SLC25A51: variants seen among roughly 807,000 people sequenced by gnomAD.
The protein encoded by SLC25A51 is mitochondrial nicotinamide adenine dinucleotide transporter SLC25A51.
Under a neutral mutation model 19.1 loss-of-function variants are expected in SLC25A51, and 11 were observed. The ratio of observed to expected loss-of-function variants is 0.58; its 90% CI spans 0.36 to 0.96. SLC25A51 has a LOEUF of 0.96. Among genes scored for constraint, SLC25A51 ranks in the 40% least tolerant of loss-of-function variants. SLC25A51 has a pLI of 0.01. For synonymous variants in SLC25A51, 105 were observed against 133.6 expected, an observed-to-expected ratio of 0.79 and a Z score of 1.47; for missense variants, 201 against 365.4, an observed-to-expected ratio of 0.55 and a Z score of 3.67.
chr9:37,888,258 A>G lies in SLC25A51; in HGVS notation c.293T>C (p.Met98Thr), dbSNP rs377690500. ...GGATAAATCCTCATACAGACCAAAC[A>G]TAAGTGCAAGCGTAGTTGTCTTCTG... ...LMQKTTTLAL[M>T]FGLYEDLSCL... is the part of the protein sequence containing the mutation. Residue 98 changes from methionine to threonine, a missense_variant, in exon 3 of 3, where the codon ATG becomes ACG. By Grantham distance (81) the Met-to-Thr change is moderately conservative. Coordinates refer to ENST00000242275, the MANE Select transcript of SLC25A51 (RefSeq NM_033412.4). The G allele has an allele frequency of 1.4e-5, 22 of 1,614,244 alleles. No homozygotes were observed. The highest frequency in any genetic ancestry group is 1.6e-5 in the Non-Finnish European group (19 of 1,180,048).
Position 37,888,163 on chromosome 9 carries a change from T to C in SLC25A51, c.388A>G (p.Thr130Ala), listed in dbSNP as rs1483535613. The C allele has an allele frequency of 1.9e-6, 3 of 1,613,980 alleles. No individual in the cohort carries two copies. The highest frequency in any genetic ancestry group is 1.7e-5 in the Admixed American group (1 of 60,018). Residue 130 changes from threonine (T) to alanine (A), a missense_variant, in exon 3 of 3, where the codon ACA becomes GCA. Coordinates refer to ENST00000242275, the MANE Select transcript of SLC25A51 (RefSeq NM_033412.4). The stretch of plus-strand genomic sequence containing the variant: ...AGTGGAGTGAAAATTGCTTCTGTTG[T>C]CCCTGCAAGCACTGCCGCCACGCCA... ...TSGVAAVLAGTTEAIFTPLER... is the reference protein window; with the variant it reads ...TSGVAAVLAGATEAIFTPLER...
downstream of SLC25A51, chr9:37,878,540 A>G (rs1191902022): frequency 1.1e-5 from 2 of 179,604 alleles, no homozygotes; most frequent in Non-Finnish European, 2.5e-5. Flanking sequence ...GCAACAGCTA[A>G]TTGCAGCAAA....
At chr9:37,880,277 C>CACTCCAGCCTGGCG (rs1831325022) in exon 4 of SLC25A51, 1 of 148,558 alleles carries the variant, frequency 6.7e-6, no homozygotes, top group Non-Finnish European at 1.5e-5. Flanking sequence ...TTCACCACTG[C>CACTCCAGCCTGGCG]ACTCCAGCCT....
At chr9:37,891,509 TA>T (rs1482975012) in intron 2 of SLC25A51, among the ~76,000 whole-genome samples, 1 of 152,244 alleles carries the variant, frequency 6.6e-6, no homozygotes, top group Non-Finnish European at 1.5e-5. Flanking sequence ...TGTTCTGTAC[TA>T]AGAAAAATTC....
chr9:37,897,741 T>C, intron 2 of SLC25A51, among the ~76,000 whole-genome samples: 1 of 152,084 alleles, frequency 6.6e-6, no homozygotes, highest in East Asian at 1.9e-4. Context: ...TATCATTAAG[T>C]TGGCTTTCGG....
At chr9:37,903,439 C>T (rs1242103065) in intron 1 of SLC25A51, 1 of 152,242 alleles carries the variant, frequency 6.6e-6, no homozygotes, top group Admixed American at 6.5e-5. Flanking sequence ...ACACCATCGT[C>T]CCCGAAAATC....
At chr9:37,903,465 T>C (rs1301101811) in intron 1 of SLC25A51, 1 of 152,238 alleles carries the variant, frequency 6.6e-6, no homozygotes, top group Non-Finnish European at 1.5e-5. Context: ...ACAAGTGAGC[T>C]TCCTACAACG....
chr9:37,891,094 G>A (rs544648416), intron 2 of SLC25A51, among the ~76,000 whole-genome samples: 1 of 152,382 alleles, frequency 6.6e-6, no homozygotes, highest in Non-Finnish European at 1.5e-5. Context: ...ATATCTGCCA[G>A]AGCCACCAAT....
At chr9:37,887,593 G>A, downstream of SLC25A51, 2 of 1,486,280 alleles carry the variant, frequency 1.3e-6, no homozygotes, top group Non-Finnish European at 1.8e-6. Context: ...AAAAAAAGAG[G>A]CCAAACTGCA....
chr9:37,883,412 A>G (rs558729837), downstream of SLC25A51, among the ~76,000 whole-genome samples: 3 of 152,388 alleles, frequency 2.0e-5, no homozygotes, highest in South Asian at 2.1e-4. Context: ...ATATTTATTA[A>G]TAATTGTTTT....
chr9:37,888,799 T>C (rs1294808049), intron 2 of SLC25A51, among the ~76,000 whole-genome samples: 4 of 152,222 alleles, frequency 2.6e-5, no homozygotes, highest in African/African-American at 4.8e-5. Flanking sequence ...AAACTACATA[T>C]CTATGTGAGG....
At chr9:37,885,991 C>T (rs1831447830), downstream of SLC25A51, 2 of 1,613,724 alleles carry the variant, frequency 1.2e-6, no homozygotes, top group Admixed American at 3.3e-5. Context: ...AGTTCTTTGC[C>T]AATTGGTCTA....
At chr9:37,901,121 C>A (rs938277521) in intron 1 of SLC25A51, among the ~76,000 whole-genome samples, 2 of 152,108 alleles carry the variant, frequency 1.3e-5, no homozygotes, top group African/African-American at 4.8e-5. Context: ...CCAGCCTTGG[C>A]CTCCCAAAGG....
downstream of SLC25A51, among the ~76,000 whole-genome samples, chr9:37,887,189 C>T (rs1463252088): frequency 2.6e-5 from 4 of 151,906 alleles, no homozygotes; most frequent in Admixed American, 6.6e-5. Context: ...TGGTGGCGGG[C>T]GCCTGTAATC....
intron 2 of SLC25A51, among the ~76,000 whole-genome samples, chr9:37,888,983 T>A (rs1471782833): frequency 2.0e-5 from 3 of 152,252 alleles, no homozygotes; most frequent in Non-Finnish European, 4.4e-5. Context: ...TTATTTTTCA[T>A]GAAAATGTGT....
At chr9:37,901,700 T>C (rs1831851849) in intron 1 of SLC25A51, among the ~76,000 whole-genome samples, 2 of 152,198 alleles carry the variant, frequency 1.3e-5, no homozygotes, top group African/African-American at 4.8e-5. Context: ...CAGAATATCA[T>C]CTGTTCCCTC....
downstream of SLC25A51, chr9:37,886,240 TGAG>T (rs1312304471): frequency 6.9e-6 from 11 of 1,605,392 alleles, no homozygotes; most frequent in Admixed American, 3.3e-5. Context: ...GGACCTTCTC[TGAG>T]GAGAATGTGA....
intron 1 of SLC25A51, chr9:37,903,596 G>C (rs1831902891): frequency 6.6e-6 from 1 of 152,290 alleles, no homozygotes; most frequent in Non-Finnish European, 1.5e-5. Context: ...AGATCACTAA[G>C]TCCTCTTCCG....
intron 2 of SLC25A51, among the ~76,000 whole-genome samples, chr9:37,892,311 A>G (rs1423351778): frequency 6.6e-6 from 1 of 152,238 alleles, no homozygotes; most frequent in African/African-American, 2.4e-5. Flanking sequence ...AACTGTCACT[A>G]TGCACATAAG....
Sources: gnomAD v4.1 joint callset for allele counts (sites outside exome capture counted in the v4.1 genomes callset) on GRCh38, gnomAD v4.1.1 for gene constraint, MANE v1.5 for transcripts, NCBI Gene and HGNC (gene_info 2026-07-23, HGNC 2026-07-21) for gene names.